ALDH1L2: variants seen among roughly 807,000 people sequenced by gnomAD.
ALDH1L2 encodes the protein aldehyde dehydrogenase 1 family member L2.
Under a neutral mutation model 111.0 loss-of-function variants are expected in ALDH1L2, and 91 were observed. That is an observed-to-expected ratio of 0.82 (90% CI 0.69 to 0.98). The LOEUF (loss-of-function observed/expected upper bound fraction) is 0.98, where lower values mean the gene tolerates loss of function less well. Among genes scored for constraint, ALDH1L2 ranks in the 50% least tolerant of loss-of-function variants. ALDH1L2 has a pLI of 0.00. For missense variants in ALDH1L2, 995 were observed against 1,126.8 expected (o/e 0.88, Z 1.67); for synonymous variants, 374 against 392.6 (o/e 0.95, Z 0.56).
chr12:105,037,373 G>C (rs1455677369), intron 18 of ALDH1L2, among the ~76,000 whole-genome samples: 1 of 152,132 alleles, frequency 6.6e-6, no homozygotes, highest in African/African-American at 2.4e-5. Context: ...GTTAAAACCA[G>C]GAAATTGATG....
At chr12:105,054,016 T>C (rs1876457794) in intron 10 of ALDH1L2, among the ~76,000 whole-genome samples, 1 of 151,802 alleles carries the variant, frequency 6.6e-6, no homozygotes, top group African/African-American at 2.4e-5. Flanking sequence ...CAGAGAGTTG[T>C]TAGGAGAATC....
chr12:105,064,787 G>GCCCGCCTCT (rs1196664907), intron 6 of ALDH1L2, among the ~76,000 whole-genome samples: 23 of 152,260 alleles, frequency 1.5e-4, no homozygotes, highest in African/African-American at 4.8e-4. Context: ...TTCAGGCCCT[G>GCCCGCCTCT]CCCGCCTCTC....
At chr12:105,038,279 A>AC (rs1875297735) in intron 17 of ALDH1L2, 77 bp from the exon 18 acceptor site, 110 of 246,902 alleles carry the variant, frequency 4.5e-4, no homozygotes, top group Admixed American at 6.5e-4. Context: ...CACACACACA[A>AC]ACACACACAC....
intron 15 of ALDH1L2, among the ~76,000 whole-genome samples, chr12:105,043,299 G>A (rs372439465): frequency 1.3e-5 from 2 of 152,124 alleles, no homozygotes; most frequent in African/African-American, 2.4e-5. Context: ...GCTTGTCTTT[G>A]TAAAATGTAC....
At chr12:105,050,152 A>G in intron 12 of ALDH1L2, 94 bp from the exon 13 acceptor site, 1 of 1,249,058 alleles carries the variant, frequency 8.0e-7, no homozygotes, top group Non-Finnish European at 1.1e-6. Flanking sequence ...ATTCAGAGGT[A>G]AACACATATG....
At chr12:105,057,889 A>G (rs1876733286) in intron 10 of ALDH1L2, among the ~76,000 whole-genome samples, 184 bp downstream of exon 10, 2 of 152,224 alleles carry the variant, frequency 1.3e-5, no homozygotes, top group Non-Finnish European at 2.9e-5. Flanking sequence ...CCCTGTGAAT[A>G]TATTAAAAAC....
chr12:105,038,258 TCTCACA>T (rs1315118382), intron 17 of ALDH1L2, 56 bp from the exon 18 acceptor site: 37 of 707,668 alleles, frequency 5.2e-5, no homozygotes, highest in Middle Eastern at 2.5e-4. Flanking sequence ...TCTCTCTCTC[TCTCACA>T]CACACACACA....
rs148790127 is a variant in ALDH1L2, at chr12:105,055,130, A to G, written c.1288-2199T>C. ...AGACCTCAGAAGGCCCTTATCTCTTAACTCTGGATGACTTTGAGGCTCTGT... is the reference window on the plus strand; with the variant it reads ...AGACCTCAGAAGGCCCTTATCTCTTGACTCTGGATGACTTTGAGGCTCTGT... On this transcript the variant is annotated intron_variant, in intron 10 of 22. Transcript: ENST00000258494. Among the ~76,000 whole-genome samples the G allele has an allele frequency of 6.9e-4, 105 of 152,308 alleles. 2 individuals carry two copies. The East Asian group carries it at 0.019, about 27-fold the overall frequency.
intron 10 of ALDH1L2, among the ~76,000 whole-genome samples, chr12:105,055,525 G>A (rs1447683676): frequency 6.6e-6 from 1 of 151,960 alleles, no homozygotes; most frequent in Non-Finnish European, 1.5e-5. Flanking sequence ...ATTACAAGAC[G>A]TGCAGAGAAA....
intron 18 of ALDH1L2, among the ~76,000 whole-genome samples, chr12:105,036,514 T>TATATATATATA (rs1875128659): frequency 4.2e-5 from 1 of 23,664 alleles, no homozygotes. Flanking sequence ...TATATATATT[T>TATATATATATA]TATATATATA....
At chr12:105,048,622 T>G (rs1876062195) in intron 13 of ALDH1L2, 2 of 152,264 alleles carry the variant, frequency 1.3e-5, no homozygotes, top group Admixed American at 1.3e-4. Context: ...GTATCCCCAG[T>G]GCTGGAGCTA....
At chr12:105,033,633 A>G (rs1379336630) in intron 19 of ALDH1L2, among the ~76,000 whole-genome samples, 4 of 152,208 alleles carry the variant, frequency 2.6e-5, no homozygotes, top group Non-Finnish European at 5.9e-5. Context: ...ATGACATAGT[A>G]TAAGTTAGAG....
chr12:105,063,852 C>G (rs11112354), intron 6 of ALDH1L2, among the ~76,000 whole-genome samples: 1 of 151,920 alleles, frequency 6.6e-6, no homozygotes, highest in African/African-American at 2.4e-5. Flanking sequence ...TATTGCACTT[C>G]TAGGATGATC....
intron 22 of ALDH1L2, among the ~76,000 whole-genome samples, chr12:105,024,845 A>T (rs891777625): frequency 6.6e-6 from 1 of 152,162 alleles, no homozygotes; most frequent in African/African-American, 2.4e-5. Context: ...CTTCTCTTTT[A>T]TTTCCCTACT....
At chr12:105,051,135 TG>T (rs1199070293) in intron 12 of ALDH1L2, among the ~76,000 whole-genome samples, 1 of 152,230 alleles carries the variant, frequency 6.6e-6, no homozygotes, top group Non-Finnish European at 1.5e-5. Context: ...GGATATAAAA[TG>T]TTTTTTTAAA....
At chr12:105,078,437 C>T (rs2374451) in intron 1 of ALDH1L2, among the ~76,000 whole-genome samples, 60,319 of 151,844 alleles carry the variant, frequency 0.4, 13,019 homozygotes, top group Middle Eastern at 0.61. Context: ...CCAGCCTGGG[C>T]GACAGAGCAA....
intron 22 of ALDH1L2, among the ~76,000 whole-genome samples, chr12:105,025,348 G>A (rs570601384): frequency 6.6e-6 from 1 of 152,288 alleles, no homozygotes; most frequent in East Asian, 1.9e-4. Flanking sequence ...TGGGCTAAGG[G>A]GTTTTAAAAT....
At position 105,063,012 on chromosome 12, in the gene ALDH1L2, A is replaced by T. The variant is rs980531754; in HGVS notation, c.797T>A (p.Phe266Tyr). The T allele has an allele frequency of 6.2e-7, 1 of 1,612,462 alleles. No homozygotes were observed. Residue 266 changes from phenylalanine to tyrosine, a missense_variant, in exon 7 of 23, where the codon TTC becomes TAC. Coordinates refer to ENST00000258494, the MANE Select transcript of ALDH1L2 (RefSeq NM_001034173.4). The stretch of plus-strand genomic sequence containing the variant: ...GCTATTCAGTAATGTCGAGCCATAG[A>T]AAGTGACCATCTAGTAAAGAGATCA... ...WTEINGQMVT[F>Y]YGSTLLNSSV...
intron 1 of ALDH1L2, among the ~76,000 whole-genome samples, chr12:105,083,357 T>C (rs2136120501): frequency 7.2e-6 from 1 of 139,002 alleles, no homozygotes; most frequent in East Asian, 2.2e-4. Context: ...AAAAGGTGAC[T>C]ATACCTCAAA....
Sources: allele counts gnomAD v4.1 joint callset (sites outside exome capture counted in the v4.1 genomes callset), GRCh38; gene constraint gnomAD v4.1.1; transcripts MANE v1.5; gene names NCBI Gene and HGNC (gene_info 2026-07-23, HGNC 2026-07-21).